PFDN1: variants seen among roughly 807,000 people sequenced by gnomAD.
PFDN1 encodes prefoldin 1.
In PFDN1, 6 loss-of-function variants were observed where a neutral mutation model predicts 17.3. The ratio of observed to expected loss-of-function variants is 0.35; its 90% CI spans 0.19 to 0.69. The LOEUF (loss-of-function observed/expected upper bound fraction) is 0.69. PFDN1 is among the 30% of genes least tolerant of loss of function. The probability of loss-of-function intolerance (pLI) is 0.65; values close to 1 mark genes in which losing one functional copy is unlikely to be tolerated. For missense variants in PFDN1, 113 were observed against 146.2 expected, an observed-to-expected ratio of 0.77 and a Z score of 1.17; for synonymous variants, 58 against 50.1, an observed-to-expected ratio of 1.16 and a Z score of -0.67.
intron 3 of PFDN1, among the ~76,000 whole-genome samples, chr5:140,274,491 A>G (rs567548898): frequency 1.3e-5 from 2 of 152,308 alleles, no homozygotes; most frequent in African/African-American, 4.8e-5. Flanking sequence ...TAACATGGTT[A>G]CTCTATCATA....
At chr5:140,296,617 G>A (rs775349368) in intron 2 of PFDN1, among the ~76,000 whole-genome samples, 1 of 152,150 alleles carries the variant, frequency 6.6e-6, no homozygotes, top group Admixed American at 6.5e-5. Flanking sequence ...AATGTTATTC[G>A]CCAAAGACTG....
intron 3 of PFDN1, among the ~76,000 whole-genome samples, chr5:140,253,605 AG>A (rs1001874782): frequency 6.6e-6 from 1 of 152,192 alleles, no homozygotes; most frequent in Non-Finnish European, 1.5e-5. Flanking sequence ...CAGAGCCAGG[AG>A]CGGCAACTGT....
chr5:140,259,206 C>A (rs1765029833), intron 3 of PFDN1, among the ~76,000 whole-genome samples: 1 of 152,130 alleles, frequency 6.6e-6, no homozygotes, highest in African/African-American at 2.4e-5. Flanking sequence ...TGTAGGATAT[C>A]TTACAACTTT....
At chr5:140,297,428 T>C (rs947951988) in intron 2 of PFDN1, among the ~76,000 whole-genome samples, 2 of 152,218 alleles carry the variant, frequency 1.3e-5, no homozygotes, top group African/African-American at 4.8e-5. Flanking sequence ...GCAAGTCTTT[T>C]CTTCCTCTCA....
intron 2 of PFDN1, among the ~76,000 whole-genome samples, chr5:140,297,451 G>A (rs1296226068): frequency 1.3e-5 from 2 of 152,214 alleles, no homozygotes; most frequent in African/African-American, 2.4e-5. Context: ...GCACTAATAC[G>A]CTAGCCAAAC....
intron 2 of PFDN1, among the ~76,000 whole-genome samples, chr5:140,286,824 C>G (rs148806748): frequency 6.6e-6 from 1 of 151,930 alleles, no homozygotes; most frequent in African/African-American, 2.4e-5. Context: ...AGGCTAGTCT[C>G]GAACTCCTGA....
intron 3 of PFDN1, among the ~76,000 whole-genome samples, chr5:140,255,555 CT>C (rs1187747793): frequency 1.6e-4 from 25 of 152,292 alleles, no homozygotes; most frequent in South Asian, 8.3e-4. Context: ...AGGAGGATCA[CT>C]TGAGTCCAGG....
At chr5:140,248,439 A>G (rs1033750418) in intron 3 of PFDN1, among the ~76,000 whole-genome samples, 2 of 151,182 alleles carry the variant, frequency 1.3e-5, no homozygotes, top group African/African-American at 4.9e-5. Flanking sequence ...GACACACACT[A>G]AAGAATGTAT....
chr5:140,302,514 G>C (rs1765763832), intron 1 of PFDN1, among the ~76,000 whole-genome samples: 1 of 152,166 alleles, frequency 6.6e-6, no homozygotes, highest in Non-Finnish European at 1.5e-5. Flanking sequence ...AAAAGAAGTG[G>C]AGGGGGGGCA....
At chr5:140,283,047 C>T (rs1221341185) in intron 2 of PFDN1, among the ~76,000 whole-genome samples, 2 of 152,100 alleles carry the variant, frequency 1.3e-5, no homozygotes, top group East Asian at 1.9e-4. Context: ...CAAGAGAGTC[C>T]GTTATTATAG....
intron 3 of PFDN1, among the ~76,000 whole-genome samples, chr5:140,248,359 G>A (rs1764862659): frequency 1.3e-5 from 2 of 152,138 alleles, no homozygotes; most frequent in African/African-American, 2.4e-5. Context: ...GAGCCACCGT[G>A]CCAGGCCGAT....
intron 3 of PFDN1, among the ~76,000 whole-genome samples, chr5:140,256,593 C>T (rs1269543405): frequency 3.4e-5 from 5 of 148,646 alleles, no homozygotes; most frequent in Non-Finnish European, 5.9e-5. Context: ...CCCTACCCCT[C>T]CCTGACTTCC....
chr5:140,279,047 A>C (rs1438203457), intron 3 of PFDN1, among the ~76,000 whole-genome samples: 1 of 152,158 alleles, frequency 6.6e-6, no homozygotes, highest in South Asian at 2.1e-4. Flanking sequence ...TATAAACTGG[A>C]GTTATATTAC....
chr5:140,270,375 G>A (rs990192414), intron 3 of PFDN1, among the ~76,000 whole-genome samples: 1 of 152,084 alleles, frequency 6.6e-6, no homozygotes, highest in Non-Finnish European at 1.5e-5. Flanking sequence ...GTTGGGTATG[G>A]GGACAGATAA....
intron 3 of PFDN1, among the ~76,000 whole-genome samples, chr5:140,248,150 CCT>C (rs1764859348): frequency 6.6e-6 from 1 of 150,554 alleles, no homozygotes; most frequent in African/African-American, 2.4e-5. Flanking sequence ...CTCACTGCAA[CCT>C]CCGCCTCCCG....
At chr5:140,273,805 GGT>G (rs1765248761) in intron 3 of PFDN1, 1 of 483,330 alleles carries the variant, frequency 2.1e-6, no homozygotes, top group African/African-American at 2.1e-5. Flanking sequence ...TAACCAGGGT[GGT>G]GAAAGGGGTG....
chr5:140,269,316 T>C (rs998177857), intron 3 of PFDN1, among the ~76,000 whole-genome samples: 4 of 150,230 alleles, frequency 2.7e-5, no homozygotes, highest in African/African-American at 9.8e-5. Flanking sequence ...CCCAGCCTTA[T>C]AACTTTTTTT....
intron 3 of PFDN1, among the ~76,000 whole-genome samples, chr5:140,255,394 G>C (rs1258463852): frequency 6.6e-6 from 1 of 152,112 alleles, no homozygotes; most frequent in Admixed American, 6.5e-5. Context: ...TGGCCCTTGG[G>C]CTGTAATTTA....
In PFDN1 at chr5:140,245,658, G is replaced by T. The variant is rs1319115526; in HGVS notation, c.*316C>A. The T allele has an allele frequency of 1.5e-6, 1 of 669,822 alleles. No individual in the cohort carries two copies. Among genetic ancestry groups the T allele is most frequent in the Non-Finnish European group, 2.7e-6 (1 of 371,040 alleles). The allele number at this position is 669,822 out of a possible 1,614,324, so 41.5% of individuals were successfully genotyped here. A position where few individuals can be genotyped will look rare whatever the true frequency, so the allele number is the denominator to read the frequency against. ...AGAGTGGGACAGACGCTTTTTATTG[G>T]TCTGGCTGGCGTGCCTAGTGGAAAG... On this transcript the variant is annotated 3_prime_UTR_variant, in exon 4 of 4. Transcript: ENST00000261813.
Sources: allele counts gnomAD v4.1 joint callset (sites outside exome capture counted in the v4.1 genomes callset), GRCh38; gene constraint gnomAD v4.1.1; transcripts MANE v1.5; gene names NCBI Gene and HGNC (gene_info 2026-07-23, HGNC 2026-07-21).